WDR20: variants seen among roughly 807,000 people sequenced by gnomAD.
WDR20 encodes WD repeat domain 20.
A neutral mutation model predicts 38.7 loss-of-function variants in WDR20; 3 were observed. The observed-to-expected ratio is 0.08, with a 90% confidence interval of 0.04 to 0.20. The LOEUF (loss-of-function observed/expected upper bound fraction) is 0.20. Among genes scored for constraint, WDR20 ranks in the 10% least tolerant of loss-of-function variants. The pLI, the probability that WDR20 is intolerant of heterozygous loss-of-function variation, is 1.00. For missense variants in WDR20, 559 were observed against 727.7 expected (o/e 0.77, Z 2.67); for synonymous variants, 298 against 285.6 (o/e 1.04, Z -0.44).
chr14:102,208,500 A>T lies in WDR20; in HGVS notation c.433-103A>T. Reference sequence around the variant, plus strand: ...AGGATAAAATGTGGAGGGCCTGGATAGACTTGCCCCTTCCCATCGAGAAGC... The same window carrying T: ...AGGATAAAATGTGGAGGGCCTGGATTGACTTGCCCCTTCCCATCGAGAAGC... On this transcript the variant is annotated intron_variant, in intron 2 of 2. Coordinates refer to ENST00000342702, the MANE Select transcript of WDR20 (RefSeq NM_144574.4). This position sits in a 1 kb window ranked among gnomAD's most constrained non-coding sequence, Gnocchi z 5.6. 3.5e-6 allele frequency: 5 copies of T among 1,435,108 alleles called. No homozygotes were observed. The highest frequency in any genetic ancestry group is 4.6e-6 in the Non-Finnish European group (5 of 1,084,356). The allele number at this position is 1,435,108 out of a possible 1,614,324, so 88.9% of individuals were successfully genotyped here.
downstream of WDR20, chr14:102,214,545 A>G: frequency 1.0e-6 from 1 of 985,474 alleles, no homozygotes; most frequent in South Asian, 4.7e-5. Context: ...ACTTCGTGTC[A>G]TAAATTGCTA....
At chr14:102,164,506 C>T (rs2059386622) in intron 1 of WDR20, among the ~76,000 whole-genome samples, 1 of 152,190 alleles carries the variant, frequency 6.6e-6, no homozygotes, top group Non-Finnish European at 1.5e-5. Flanking sequence ...CAGATAGAAA[C>T]AGCCTTCTAC....
At chr14:102,159,463 C>T (rs1293775610) in intron 1 of WDR20, among the ~76,000 whole-genome samples, 1 of 152,188 alleles carries the variant, frequency 6.6e-6, no homozygotes, top group Admixed American at 6.5e-5. Flanking sequence ...AGACAATCCT[C>T]AAGTGTTTCA....
intron 1 of WDR20, among the ~76,000 whole-genome samples, chr14:102,188,842 C>T (rs2065535080): frequency 7.0e-6 from 1 of 142,180 alleles, no homozygotes. Flanking sequence ...CACTGTACTC[C>T]AGTCTGGGCA....
chr14:102,184,525 G>A (rs1180893936), intron 1 of WDR20, among the ~76,000 whole-genome samples: 1 of 151,988 alleles, frequency 6.6e-6, no homozygotes, highest in African/African-American at 2.4e-5. Flanking sequence ...CAGAATGTCC[G>A]CCCTCTGCTT....
downstream of WDR20, chr14:102,224,471 A>AT (rs1032943417): frequency 1.2e-5 from 5 of 411,502 alleles, no homozygotes; most frequent in African/African-American, 1.0e-4. Flanking sequence ...ATGTTTATTT[A>AT]TTTTTTTAAA....
rs887719482 is a variant in WDR20, at chr14:102,208,328, G to A, written c.433-275G>A. Among the ~76,000 whole-genome samples the A allele has an allele frequency of 1.3e-5, 2 of 152,218 alleles. No individual in the cohort carries two copies. Among genetic ancestry groups the A allele is most frequent in the African/African-American group, 2.4e-5 (1 of 41,444 alleles). On this transcript the variant is annotated intron_variant, in intron 2 of 2. Coordinates refer to ENST00000342702, the MANE Select transcript of WDR20 (RefSeq NM_144574.4). The surrounding 1 kb of genome is among the most constrained non-coding windows in gnomAD (Gnocchi z 5.6). ...CGCAGTGAACCCTGTGCCTGGCATCGTGTCTGGCACTTAGTGGCCCCTCTG... is the reference window on the plus strand; with the variant it reads ...CGCAGTGAACCCTGTGCCTGGCATCATGTCTGGCACTTAGTGGCCCCTCTG...
chr14:102,179,921 G>A (rs999971876), intron 1 of WDR20, among the ~76,000 whole-genome samples: 10 of 152,148 alleles, frequency 6.6e-5, no homozygotes, highest in African/African-American at 2.2e-4. Flanking sequence ...ATGAGGCCGA[G>A]GCAGGCGGAT....
intron 1 of WDR20, among the ~76,000 whole-genome samples, chr14:102,185,183 A>G (rs867139204): frequency 2.0e-5 from 3 of 152,066 alleles, no homozygotes; most frequent in Non-Finnish European, 4.4e-5. Flanking sequence ...AATGATGAGA[A>G]TTTTCAAAGC....
intron 1 of WDR20, among the ~76,000 whole-genome samples, chr14:102,161,143 T>TATATATATATATATATATATATA (rs1491558046): frequency 3.7e-3 from 42 of 11,226 alleles, no homozygotes; most frequent in South Asian, 6.5e-3. Context: ...TATATATATA[T>TATATATATATATATATATATATA]TTTTTTTTTT....
At chr14:102,184,455 G>A (rs891926657) in intron 1 of WDR20, among the ~76,000 whole-genome samples, 6 of 152,162 alleles carry the variant, frequency 3.9e-5, no homozygotes, top group Non-Finnish European at 2.9e-5. Flanking sequence ...GAGAACAACA[G>A]AAGCTTGTTA....
chr14:102,141,071 G>A (rs1265633289), intron 1 of WDR20, among the ~76,000 whole-genome samples: 1 of 152,164 alleles, frequency 6.6e-6, no homozygotes, highest in East Asian at 1.9e-4. Flanking sequence ...CTCTTTAAAA[G>A]CAGCCATTTA....
At chr14:102,213,029 G>A, downstream of WDR20, 2 of 990,498 alleles carry the variant, frequency 2.0e-6, no homozygotes, top group Non-Finnish European at 2.4e-6. Context: ...CACCCGGCAA[G>A]GGGGCGAGCT....
At chr14:102,172,560 A>C (rs1321175330) in intron 1 of WDR20, among the ~76,000 whole-genome samples, 1 of 125,516 alleles carries the variant, frequency 8.0e-6, no homozygotes, top group South Asian at 2.8e-4. Context: ...TCCCTCCCGG[A>C]CGGGGCGGCT....
intron 1 of WDR20, among the ~76,000 whole-genome samples, chr14:102,147,569 G>A (rs1388566364): frequency 6.6e-6 from 1 of 152,180 alleles, no homozygotes; most frequent in African/African-American, 2.4e-5. Context: ...CTCAAGAAAT[G>A]TGTCACTTAT....
chr14:102,140,685 C>A (rs1320221322), intron 1 of WDR20, among the ~76,000 whole-genome samples: 1 of 152,158 alleles, frequency 6.6e-6, no homozygotes. Context: ...GCACGCAGGG[C>A]TACTCCACCT....
At chr14:102,185,801 C>T (rs7160508) in intron 1 of WDR20, among the ~76,000 whole-genome samples, 13,911 of 144,508 alleles carry the variant, frequency 0.096, 1,209 homozygotes, top group African/African-American at 0.25. Context: ...GGCGACAGAG[C>T]GAGACTCCAT....
Position 102,209,869 on chromosome 14 carries a change from T to C in WDR20, c.1699T>C (p.Phe567Leu). Residue 567 changes from phenylalanine (F) to leucine (L), a missense_variant, in exon 3 of 3, where the codon TTT becomes CTT. Coordinates refer to ENST00000342702, the MANE Select transcript of WDR20 (RefSeq NM_144574.4). The surrounding 1 kb of genome is among the most constrained non-coding windows in gnomAD (Gnocchi z 6.0). The part of the protein sequence containing the change: ...TWGRPGKVVS[F>L]NP ...GGGAAGGCCTGGTAAAGTGGTAAGTTTTAATCCTTAATGCTGCACCAGATC... is the reference window on the plus strand; with the variant it reads ...GGGAAGGCCTGGTAAAGTGGTAAGTCTTAATCCTTAATGCTGCACCAGATC... The C allele has an allele frequency of 6.2e-7, 1 of 1,608,742 alleles. No homozygotes were observed. Among genetic ancestry groups the C allele is most frequent in the Non-Finnish European group, 8.5e-7 (1 of 1,176,794 alleles).
intron 1 of WDR20, among the ~76,000 whole-genome samples, chr14:102,189,168 C>T (rs535608177): frequency 1.3e-5 from 2 of 151,764 alleles, no homozygotes; most frequent in African/African-American, 4.8e-5. Context: ...CCAGATCGCA[C>T]CACTGCACTC....
Sources: allele counts gnomAD v4.1 joint callset (sites outside exome capture counted in the v4.1 genomes callset), GRCh38; gene constraint gnomAD v4.1.1; non-coding constraint Gnocchi (gnomAD v3.1); transcripts MANE v1.5; gene names NCBI Gene and HGNC (gene_info 2026-07-23, HGNC 2026-07-21).